The following ECM2 variants were observed in gnomAD, a reference collection of about 807,000 sequenced individuals.
ECM2 encodes extracellular matrix protein 2, female organ and adipocyte specific.
Under a neutral mutation model 67.5 loss-of-function variants are expected in ECM2, and 57 were observed. That is an observed-to-expected ratio of 0.84 (90% confidence interval 0.68 to 1.05). The LOEUF (loss-of-function observed/expected upper bound fraction) is 1.05. Ranked by LOEUF, ECM2 falls within the 50% of genes least tolerant of loss-of-function variation. The probability of loss-of-function intolerance (pLI) is 0.00; values close to 1 mark genes in which losing one functional copy is unlikely to be tolerated. For missense variants in ECM2, 741 were observed against 822.8 expected (o/e 0.90, Z 1.22); for synonymous variants, 258 against 294.5 (o/e 0.88, Z 1.27).
Position 92,500,999 on chromosome 9 carries a change from A to T in ECM2, c.1659T>A (p.Tyr553Ter), listed in dbSNP as rs770074932. 1 of 1,614,190 alleles carries T rather than the reference A, an allele frequency of 6.2e-7. No individual in the cohort carries two copies. Among genetic ancestry groups the T allele is most frequent in the Non-Finnish European group, 8.5e-7 (1 of 1,180,042 alleles). The change falls in exon 9 of 10, where the codon TAT becomes TAA. Residue 553 changes from tyrosine to a stop codon, truncating the protein, a stop_gained. Transcript: ENST00000344604. LOFTEE classifies it high-confidence loss of function. Reference protein sequence around the residue: ...SYNKLYHVPSYLPKSLLHLVL... With the variant: ...SYNKLYHVPS ...CTAGGTGCAGCAAGGACTTGGGTAGATAGGACGGGACGTGATAGAGCTTGT... is the reference window on the plus strand; with the variant it reads ...CTAGGTGCAGCAAGGACTTGGGTAGTTAGGACGGGACGTGATAGAGCTTGT...
chr9:92,534,320 C>T (rs546158938), intron 1 of ECM2, among the ~76,000 whole-genome samples: 1 of 152,298 alleles, frequency 6.6e-6, no homozygotes, highest in Non-Finnish European at 1.5e-5. Context: ...TCTTGAATCT[C>T]AGTACTTCTT....
At chr9:92,523,872 A>T (rs1454664304) in intron 1 of ECM2, among the ~76,000 whole-genome samples, 1 of 152,256 alleles carries the variant, frequency 6.6e-6, no homozygotes, top group Non-Finnish European at 1.5e-5. Context: ...TTTCCTCCTC[A>T]GAGACCTCTT....
rs545396916 is a variant in ECM2 at position 92,496,432 on chromosome 9, A to G, written c.1983T>C (p.Asn661=). ...ICNAEEDDDS[N]LEHLHLENNY... ...TGTTTTCAAGATGAAGATGTTCCAG[A>G]TTTGAGTCATCATCCTCTTCAGCAT... The change falls in exon 10 of 10, where the codon AAT becomes AAC. Residue 661 remains asparagine, a synonymous_variant. Coordinates refer to ENST00000344604, the MANE Select transcript of ECM2 (RefSeq NM_001393.4). The G allele has an allele frequency of 6.2e-7, 1 of 1,609,280 alleles. No homozygotes were observed. The highest frequency in any genetic ancestry group is 1.3e-5 in the African/African-American group (1 of 74,792).
chr9:92,533,986 T>C (rs535151173), intron 1 of ECM2, among the ~76,000 whole-genome samples: 1 of 152,320 alleles, frequency 6.6e-6, no homozygotes, highest in African/African-American at 2.4e-5. Flanking sequence ...GAATGGAATG[T>C]ACCTTGGTAT....
In ECM2 at chr9:92,522,839, AAAAAC is replaced by A. The variant is rs764161576; in HGVS notation, c.23_27del (p.Cys8PhefsTer9). 1.2e-6 allele frequency: 2 copies of A among 1,608,472 alleles called. No homozygotes were observed. The highest frequency in any genetic ancestry group is 1.7e-6 in the Non-Finnish European group (2 of 1,178,806). ...TCAGTTTGAAAAATGATAAGCAGAA[AAAAAC>A]AAAACAAAACTGCAATCTTCATGTT... On this transcript the variant is annotated frameshift_variant, in exon 2 of 10. Coordinates refer to ENST00000344604, the MANE Select transcript of ECM2 (RefSeq NM_001393.4). LOFTEE classifies it high-confidence loss of function.
chr9:92,556,893 G>A, the ECM2 span, among the ~76,000 whole-genome samples: 1 of 151,836 alleles, frequency 6.6e-6, no homozygotes, highest in African/African-American at 2.4e-5. Flanking sequence ...TTTTGCTTTT[G>A]CTTTTTAGCT....
intron 1 of ECM2, among the ~76,000 whole-genome samples, chr9:92,531,580 T>G (rs1285678095): frequency 4.6e-5 from 7 of 152,200 alleles, no homozygotes; most frequent in Admixed American, 4.6e-4. Flanking sequence ...AGGCTATTTA[T>G]CAGCAATCCG....
intron 4 of ECM2, among the ~76,000 whole-genome samples, chr9:92,514,210 C>T (rs1229809688): frequency 6.6e-6 from 1 of 151,506 alleles, no homozygotes; most frequent in African/African-American, 2.4e-5. Flanking sequence ...CATTCCCCCA[C>T]CTCAGCCTCC....
At chr9:92,535,396 T>C (rs1349980783) in intron 1 of ECM2, among the ~76,000 whole-genome samples, 1 of 152,182 alleles carries the variant, frequency 6.6e-6, no homozygotes, top group Non-Finnish European at 1.5e-5. Flanking sequence ...CCAATCATAG[T>C]ATCATTTTTA....
At chr9:92,548,857 T>G in the ECM2 span, among the ~76,000 whole-genome samples, 2 of 150,438 alleles carry the variant, frequency 1.3e-5, no homozygotes, top group Admixed American at 6.6e-5. Flanking sequence ...CAGTTCACTT[T>G]TGTGTGTGTG....
chr9:92,546,642 C>G, the ECM2 span, among the ~76,000 whole-genome samples: 1 of 152,200 alleles, frequency 6.6e-6, no homozygotes, highest in East Asian at 1.9e-4. Flanking sequence ...AAACTCTGGA[C>G]ACGCTGCCTT....
the ECM2 span, among the ~76,000 whole-genome samples, chr9:92,543,337 G>A: frequency 6.6e-6 from 1 of 151,900 alleles, no homozygotes; most frequent in Non-Finnish European, 1.5e-5. Flanking sequence ...GCTGGGCATG[G>A]TGGTACGTAC....
At position 92,500,864 on chromosome 9, in the gene ECM2, C is replaced by A; in HGVS notation, c.1794G>T (p.Met598Ile). Residue 598 changes from methionine (M) to isoleucine (I), a missense_variant, in exon 9 of 10, where the codon ATG becomes ATT. By Grantham distance (10) the Met-to-Ile change is conservative. Coordinates refer to ENST00000344604, the MANE Select transcript of ECM2 (RefSeq NM_001393.4). ...ATGCCCCATAGAAGGAGACACGGTC[C>A]ATGCCATCATCAGCAAGTTTGTTAA... Reference protein sequence around the residue: ...LSFNKLADDGMDRVSFYGAYH... With the variant: ...LSFNKLADDGIDRVSFYGAYH... 1 of 1,614,134 alleles carries A rather than the reference C, an allele frequency of 6.2e-7. No individual in the cohort carries two copies. Among genetic ancestry groups the A allele is most frequent in the Non-Finnish European group, 8.5e-7 (1 of 1,180,024 alleles).
At chr9:92,520,314 G>T (rs1847986491) in intron 2 of ECM2, among the ~76,000 whole-genome samples, 1 of 151,964 alleles carries the variant, frequency 6.6e-6, no homozygotes, top group African/African-American at 2.4e-5. Context: ...CATAGGGGTT[G>T]AATAGATATT....
chr9:92,534,777 G>A (rs553062117), intron 1 of ECM2, among the ~76,000 whole-genome samples: 1 of 152,290 alleles, frequency 6.6e-6, no homozygotes, highest in South Asian at 2.1e-4. Context: ...TTTGCTGAGT[G>A]GCATGGCAAG....
At chr9:92,532,396 C>A (rs1848853583) in intron 1 of ECM2, among the ~76,000 whole-genome samples, 2 of 152,084 alleles carry the variant, frequency 1.3e-5, no homozygotes, top group Non-Finnish European at 2.9e-5. Flanking sequence ...CATTTGGAAA[C>A]TTCTCAGCCC....
intron 2 of ECM2, 72 bp downstream of exon 2, chr9:92,522,503 C>T (rs1197195903): frequency 3.6e-6 from 5 of 1,394,306 alleles, no homozygotes; most frequent in Non-Finnish European, 4.8e-6. Context: ...CTCTCCCTCT[C>T]TCCTTCTCTT....
At chr9:92,552,190 T>TACACACACAC in the ECM2 span, among the ~76,000 whole-genome samples, 93 of 106,304 alleles carry the variant, frequency 8.7e-4, 2 homozygotes, top group Middle Eastern at 5.3e-3. Context: ...ATCTATCATA[T>TACACACACAC]ACACACACAC....
At chr9:92,496,526 T>C (rs2131135165) in intron 9 of ECM2, 43 bp from the exon 10 acceptor site, 1 of 1,581,186 alleles carries the variant, frequency 6.3e-7, no homozygotes, top group East Asian at 2.3e-5. Context: ...GTCCCAGTAA[T>C]AATCTGCCTT....
Sources: gnomAD v4.1 joint callset for allele counts (sites outside exome capture counted in the v4.1 genomes callset) on GRCh38, gnomAD v4.1.1 for gene constraint, MANE v1.5 for transcripts, NCBI Gene and HGNC (gene_info 2026-07-23, HGNC 2026-07-21) for gene names.